The following EYA1 variants were observed in gnomAD, a reference collection of about 807,000 sequenced individuals.
EYA1 encodes the protein EYA transcriptional coactivator and phosphatase 1.
Under a neutral mutation model 82.0 loss-of-function variants are expected in EYA1, and 16 were observed. The observed-to-expected ratio is 0.20, with a 90% confidence interval of 0.13 to 0.30. The LOEUF is 0.30. EYA1 is among the 10% of genes least tolerant of loss of function. The pLI is 1.00. For missense variants in EYA1, 633 were observed against 730.7 expected, an observed-to-expected ratio of 0.87 and a Z score of 1.54; for synonymous variants, 261 against 264.4, an observed-to-expected ratio of 0.99 and a Z score of 0.12.
intron 9 of EYA1, among the ~76,000 whole-genome samples, chr8:71,298,025 T>G (rs1044000366): frequency 1.3e-5 from 2 of 152,162 alleles, no homozygotes; most frequent in African/African-American, 4.8e-5. Context: ...GAAAAAAACG[T>G]GGAACATGAA....
At chr8:71,490,310 C>G (rs1162940432) in intron 2 of EYA1, among the ~76,000 whole-genome samples, 1 of 152,136 alleles carries the variant, frequency 6.6e-6, no homozygotes, top group Non-Finnish European at 1.5e-5. Context: ...GATTCTCCAC[C>G]ATTAAAACTG....
chr8:71,270,242 T>C (rs948983962), intron 10 of EYA1: 1 of 165,510 alleles, frequency 6.0e-6, no homozygotes, highest in Non-Finnish European at 1.3e-5. Context: ...AAATAATGAA[T>C]CTTATGTTTT....
intron 11 of EYA1, among the ~76,000 whole-genome samples, chr8:71,252,656 C>T (rs1172072559): frequency 1.3e-5 from 2 of 152,064 alleles, no homozygotes; most frequent in Non-Finnish European, 2.9e-5. Flanking sequence ...GGAAAGATGA[C>T]CCAACTCTAG....
intron 2 of EYA1, among the ~76,000 whole-genome samples, chr8:71,369,064 G>A (rs981485547): frequency 3.4e-5 from 5 of 149,174 alleles, no homozygotes; most frequent in Middle Eastern, 3.5e-3. Flanking sequence ...ATAGCTGGAC[G>A]TGGTGGCATG....
intron 2 of EYA1, among the ~76,000 whole-genome samples, chr8:71,467,847 A>C (rs981485006): frequency 6.6e-6 from 1 of 152,152 alleles, no homozygotes; most frequent in African/African-American, 2.4e-5. Flanking sequence ...ATTTTCTGTA[A>C]TACTTCACCA....
At chr8:71,500,406 A>C (rs1257554215) in intron 2 of EYA1, among the ~76,000 whole-genome samples, 1 of 152,140 alleles carries the variant, frequency 6.6e-6, no homozygotes, top group Non-Finnish European at 1.5e-5. Flanking sequence ...TTGATTTTTC[A>C]TCTCCTCTTC....
intron 2 of EYA1, among the ~76,000 whole-genome samples, chr8:71,427,960 CAG>C (rs1805352142): frequency 7.1e-6 from 1 of 141,366 alleles, no homozygotes; most frequent in South Asian, 2.3e-4. Context: ...GCCTGGGGGA[CAG>C]AGAGAGACCT....
upstream of EYA1, among the ~76,000 whole-genome samples, chr8:71,364,164 G>A (rs1827608070): frequency 6.6e-6 from 1 of 151,780 alleles, no homozygotes; most frequent in Admixed American, 6.6e-5. Flanking sequence ...TAATTGATAT[G>A]GTATAGCTCA....
intron 9 of EYA1, among the ~76,000 whole-genome samples, chr8:71,296,357 A>C (rs1008825338): frequency 2.6e-5 from 4 of 151,078 alleles, no homozygotes; most frequent in African/African-American, 9.9e-5. Context: ...GGCACAAAAA[A>C]CCCACAAATG....
intron 7 of EYA1, among the ~76,000 whole-genome samples, chr8:71,312,533 G>A (rs926912522): frequency 1.3e-5 from 2 of 152,094 alleles, no homozygotes; most frequent in African/African-American, 4.8e-5. Flanking sequence ...TGAACCTCAC[G>A]GTCCCAAGAT....
At chr8:71,367,024 T>A (rs1827797602), upstream of EYA1, among the ~76,000 whole-genome samples, 1 of 152,184 alleles carries the variant, frequency 6.6e-6, no homozygotes, top group African/African-American at 2.4e-5. Context: ...ACTTTAAGGA[T>A]GCAAAAATAA....
intron 2 of EYA1, among the ~76,000 whole-genome samples, chr8:71,414,226 A>G (rs1830747812): frequency 6.6e-6 from 1 of 152,162 alleles, no homozygotes; most frequent in African/African-American, 2.4e-5. Context: ...AGCCAAGGCA[A>G]TTCCTAAGGA....
intron 2 of EYA1, among the ~76,000 whole-genome samples, chr8:71,533,673 T>G (rs1278241987): frequency 6.6e-6 from 1 of 152,160 alleles, no homozygotes; most frequent in Non-Finnish European, 1.5e-5. Flanking sequence ...CCCCACTTCC[T>G]AAAGCAAAGG....
chr8:71,364,645 T>C (rs1173456329), upstream of EYA1, among the ~76,000 whole-genome samples: 3 of 151,994 alleles, frequency 2.0e-5, no homozygotes, highest in Non-Finnish European at 1.5e-5. Context: ...TAAATCTCAA[T>C]ACATAAATGT....
intron 11 of EYA1, among the ~76,000 whole-genome samples, chr8:71,265,523 T>C (rs1030618429): frequency 2.6e-5 from 4 of 152,178 alleles, no homozygotes; most frequent in Non-Finnish European, 5.9e-5. Flanking sequence ...CATTAAACAA[T>C]AAAAAGATAG....
chr8:71,517,825 A>C (rs953985914), intron 2 of EYA1, among the ~76,000 whole-genome samples: 1 of 151,086 alleles, frequency 6.6e-6, no homozygotes, highest in African/African-American at 2.4e-5. Context: ...GTAAGTATGG[A>C]ATTTCATATT....
intron 2 of EYA1, among the ~76,000 whole-genome samples, chr8:71,453,641 C>T (rs1320423324): frequency 6.6e-6 from 1 of 152,182 alleles, no homozygotes; most frequent in African/African-American, 2.4e-5. Context: ...AAAGAATTTT[C>T]AACCCAGAAT....
intron 11 of EYA1, among the ~76,000 whole-genome samples, chr8:71,258,608 C>A (rs1400438009): frequency 6.6e-6 from 1 of 152,090 alleles, no homozygotes; most frequent in Non-Finnish European, 1.5e-5. Flanking sequence ...TTTCTAGGTC[C>A]CCAGGAAGGA....
chr8:71,326,708 C>T (rs1240862981), intron 4 of EYA1, among the ~76,000 whole-genome samples: 1 of 152,172 alleles, frequency 6.6e-6, no homozygotes, highest in Non-Finnish European at 1.5e-5. Flanking sequence ...TCCCTTCCTT[C>T]CCTCTCTCCT....
Sources: gnomAD v4.1 joint callset for allele counts (sites outside exome capture counted in the v4.1 genomes callset) on GRCh38, gnomAD v4.1.1 for gene constraint, MANE v1.5 for transcripts, NCBI Gene and HGNC (gene_info 2026-07-23, HGNC 2026-07-21) for gene names.